CNTN4: variants seen among roughly 807,000 people sequenced by gnomAD.
The protein encoded by CNTN4 is contactin-4.
Under a neutral mutation model 122.5 loss-of-function variants are expected in CNTN4, and 77 were observed. That is an observed-to-expected ratio of 0.63 (90% confidence interval 0.52 to 0.76). The LOEUF is 0.76. Ranked by LOEUF, CNTN4 falls within the 30% of genes least tolerant of loss-of-function variation. The probability of loss-of-function intolerance (pLI) is 0.00; values close to 1 mark genes in which losing one functional copy is unlikely to be tolerated. For synonymous variants in CNTN4, 512 were observed against 447.0 expected, an observed-to-expected ratio of 1.15 and a Z score of -1.83; for missense variants, 1,256 against 1,259.1, an observed-to-expected ratio of 1.00 and a Z score of 0.04.
intron 4 of CNTN4, among the ~76,000 whole-genome samples, chr3:2,690,135 T>A (rs2085650884): frequency 6.6e-6 from 1 of 152,146 alleles, no homozygotes; most frequent in African/African-American, 2.4e-5. Flanking sequence ...GGGCAATAGG[T>A]TTTCCAAAGT....
intron 13 of CNTN4, among the ~76,000 whole-genome samples, chr3:2,926,466 T>A (rs548943822): frequency 6.6e-6 from 1 of 152,194 alleles, no homozygotes; most frequent in African/African-American, 2.4e-5. Context: ...TCTAAGACCT[T>A]TTCTTGGCTG....
At chr3:2,650,557 G>A (rs925157628) in intron 4 of CNTN4, among the ~76,000 whole-genome samples, 17 of 152,108 alleles carry the variant, frequency 1.1e-4, no homozygotes, top group African/African-American at 3.1e-4. Flanking sequence ...TGTCATGAAC[G>A]GAAGACTCAA....
chr3:2,415,830 T>C (rs1230687746), intron 3 of CNTN4, among the ~76,000 whole-genome samples: 1 of 152,098 alleles, frequency 6.6e-6, no homozygotes, highest in Non-Finnish European at 1.5e-5. Flanking sequence ...GATTTGGGAT[T>C]TGGGGTGGCG....
intron 4 of CNTN4, among the ~76,000 whole-genome samples, chr3:2,648,206 G>A (rs1162866720): frequency 1.3e-5 from 2 of 152,128 alleles, no homozygotes; most frequent in East Asian, 3.9e-4. Context: ...CAGATAGCCT[G>A]CAGATATTTG....
intron 13 of CNTN4, among the ~76,000 whole-genome samples, chr3:2,977,785 G>C (rs1461014536): frequency 6.6e-6 from 1 of 152,194 alleles, no homozygotes; most frequent in African/African-American, 2.4e-5. Flanking sequence ...ATCTCAAAAT[G>C]TGACCTTATT....
At chr3:2,352,428 G>A (rs1490461492) in intron 3 of CNTN4, among the ~76,000 whole-genome samples, 2 of 152,158 alleles carry the variant, frequency 1.3e-5, no homozygotes, top group Non-Finnish European at 1.5e-5. Context: ...GCTGCGCAGC[G>A]CTCGCAGGCC....
At chr3:2,453,184 T>G (rs1236513619) in intron 3 of CNTN4, among the ~76,000 whole-genome samples, 1 of 151,992 alleles carries the variant, frequency 6.6e-6, no homozygotes, top group Admixed American at 6.6e-5. Flanking sequence ...AATTATGTGA[T>G]TAACTCACCA....
chr3:2,473,478 T>A (rs1328484834), intron 3 of CNTN4, among the ~76,000 whole-genome samples: 1 of 152,228 alleles, frequency 6.6e-6, no homozygotes, highest in African/African-American at 2.4e-5. Context: ...TCTGTTTACA[T>A]TTAAATTAAT....
rs370908017 is a variant in CNTN4, at chr3:2,167,634, C to T, written c.-145+66995C>T. Among the ~76,000 whole-genome samples the T allele has an allele frequency of 2.2e-4, 33 of 152,266 alleles. No individual in the cohort carries two copies. The East Asian group carries it at 4.6e-3, about 21-fold the overall frequency. ...GTAATATTTTCCACAATATTAAGCT[C>T]ATACCAATGCTTTGATAACCATAAG... On this transcript the variant is annotated intron_variant, in intron 2 of 24. Coordinates refer to ENST00000418658, the MANE Select transcript of CNTN4 (RefSeq NM_175607.3).
At chr3:2,655,736 A>T (rs1460035830) in intron 4 of CNTN4, among the ~76,000 whole-genome samples, 1 of 152,184 alleles carries the variant, frequency 6.6e-6, no homozygotes, top group African/African-American at 2.4e-5. Context: ...GAAATGACGG[A>T]ACATGAATAT....
Position 2,353,824 on chromosome 3 carries a change from G to A in CNTN4, c.-89+14591G>A, listed in dbSNP as rs200744412. Among the ~76,000 whole-genome samples the A allele has an allele frequency of 7.6e-4, 115 of 152,142 alleles. 1 individual carries two copies. The highest frequency in any genetic ancestry group is 6.6e-3 in the Admixed American group (101 of 15,296). ...TGAGGCAGGAGAATGGCGGGAACCC[G>A]GGAGGCGGAGCTTGCAGTGAGCCAA... On this transcript the variant is annotated intron_variant, in intron 3 of 24. Transcript: ENST00000418658.
At chr3:2,241,051 A>C (rs1321490405) in intron 2 of CNTN4, among the ~76,000 whole-genome samples, 1 of 152,206 alleles carries the variant, frequency 6.6e-6, no homozygotes, top group Non-Finnish European at 1.5e-5. Context: ...TGACAAAAGC[A>C]ATATGTAAAT....
chr3:2,232,052 A>C (rs771376764), intron 2 of CNTN4, among the ~76,000 whole-genome samples: 6 of 152,106 alleles, frequency 3.9e-5, no homozygotes, highest in Non-Finnish European at 7.4e-5. Context: ...TAGTGCACAC[A>C]TGTACTTTTC....
intron 4 of CNTN4, among the ~76,000 whole-genome samples, chr3:2,645,157 G>A (rs1449518216): frequency 6.6e-6 from 1 of 151,972 alleles, no homozygotes; most frequent in African/African-American, 2.4e-5. Context: ...TCTAGTCTGT[G>A]TGAAAGCATT....
chr3:2,336,078 G>A (rs780860359), intron 2 of CNTN4, among the ~76,000 whole-genome samples: 24 of 152,034 alleles, frequency 1.6e-4, no homozygotes, highest in Non-Finnish European at 2.6e-4. Flanking sequence ...TGTGATGAGT[G>A]GTATGCTAAA....
At chr3:2,406,183 G>C (rs140169426) in intron 3 of CNTN4, among the ~76,000 whole-genome samples, 4 of 152,150 alleles carry the variant, frequency 2.6e-5, no homozygotes, top group African/African-American at 7.2e-5. Flanking sequence ...TAATTATAAA[G>C]GGGAAATGTT....
At chr3:2,501,551 T>C (rs1013996312) in intron 3 of CNTN4, among the ~76,000 whole-genome samples, 4 of 152,160 alleles carry the variant, frequency 2.6e-5, no homozygotes, top group Non-Finnish European at 4.4e-5. Context: ...TTCCACAGCT[T>C]GTGGCCTGTT....
chr3:2,477,453 A>G (rs1224211876), intron 3 of CNTN4, among the ~76,000 whole-genome samples: 2 of 152,320 alleles, frequency 1.3e-5, no homozygotes, highest in Admixed American at 6.5e-5. Flanking sequence ...TTCAACAATT[A>G]TAACAACCTT....
Position 3,056,398 on chromosome 3 carries a change from T to C in CNTN4, c.*178T>C. On this transcript the variant is annotated 3_prime_UTR_variant, in exon 25 of 25. Transcript: ENST00000418658. Reference sequence around the variant, plus strand: ...GTACTTCCTCAAAGCAAATCTAGCTTTGTCTGAAGTTTCTTTGGAAACTCT... The same window carrying C: ...GTACTTCCTCAAAGCAAATCTAGCTCTGTCTGAAGTTTCTTTGGAAACTCT... 1.7e-6 allele frequency: 1 copy of C among 583,450 alleles called. No homozygotes were observed. The highest frequency in any genetic ancestry group is 3.1e-6 in the Non-Finnish European group (1 of 325,714). The allele number at this position is 583,450 out of a possible 1,614,324, so 36.1% of individuals were successfully genotyped here.
Sources: gnomAD v4.1 joint callset for allele counts (sites outside exome capture counted in the v4.1 genomes callset) on GRCh38, gnomAD v4.1.1 for gene constraint, MANE v1.5 for transcripts, NCBI Gene and HGNC (gene_info 2026-07-23, HGNC 2026-07-21) for gene names.